STAT4: variants seen among roughly 807,000 people sequenced by gnomAD.
The protein encoded by STAT4 is signal transducer and activator of transcription 4.
Under a neutral mutation model 110.5 loss-of-function variants are expected in STAT4, and 42 were observed. The ratio of observed to expected loss-of-function variants is 0.38; its 90% CI spans 0.30 to 0.49. STAT4 has a LOEUF of 0.49. STAT4 is among the 20% of genes least tolerant of loss of function. STAT4 has a pLI of 0.95. For missense variants in STAT4, 632 were observed against 887.9 expected (o/e 0.71, Z 3.66); for synonymous variants, 284 against 302.2 (o/e 0.94, Z 0.63).
At chr2:191,076,443 T>C (rs1328407224) in intron 3 of STAT4, 118 bp from the exon 4 acceptor site, 1 of 751,620 alleles carries the variant, frequency 1.3e-6, no homozygotes, top group African/African-American at 1.8e-5. Context: ...TGAAATTACT[T>C]GGGATTTGTT....
At chr2:191,103,266 G>A (rs990538305) in intron 3 of STAT4, among the ~76,000 whole-genome samples, 5 of 152,196 alleles carry the variant, frequency 3.3e-5, no homozygotes, top group Middle Eastern at 3.4e-3. Context: ...TAATGTTTTC[G>A]TTAGAGGAAA....
chr2:191,149,883 T>C (rs1188619340), intron 1 of STAT4, among the ~76,000 whole-genome samples: 1 of 152,188 alleles, frequency 6.6e-6, no homozygotes. Context: ...AAATCTATTT[T>C]CTAACTAAAA....
In STAT4 at chr2:191,077,166, T is replaced by C. The variant is rs751180374; in HGVS notation, c.274-841A>G. Among the ~76,000 whole-genome samples, 2 of 152,312 alleles carry C rather than the reference T, an allele frequency of 1.3e-5. No individual in the cohort carries two copies. The highest frequency in any genetic ancestry group is 2.9e-5 in the Non-Finnish European group (2 of 68,018). ...TTATTACCAAGGTTAATGATGCAGA[T>C]ACTGTAAATTGGCAGCCTGTGGGCC... On this transcript the variant is annotated intron_variant, in intron 3 of 23. Transcript: ENST00000392320. This position sits in a 1 kb window ranked among gnomAD's most constrained non-coding sequence, Gnocchi z 4.1.
intron 3 of STAT4, among the ~76,000 whole-genome samples, chr2:191,098,057 A>C (rs964761353): frequency 1.3e-5 from 2 of 152,254 alleles, no homozygotes; most frequent in Non-Finnish European, 2.9e-5. Flanking sequence ...TCAAAACCAC[A>C]ATGAGATACC....
In STAT4 at chr2:191,076,186, G is replaced by A. The variant is rs375989512; in HGVS notation, c.372+41C>T. 7 of 1,525,900 alleles carry A rather than the reference G, an allele frequency of 4.6e-6. No homozygotes were observed. In the African/African-American group the frequency reaches 9.6e-5, roughly 21 times the overall value. The allele number at this position is 1,525,900 out of a possible 1,614,324, so 94.5% of individuals were successfully genotyped here. ...ATAATTTCTGTTTCAGAAAAATTGA[G>A]TTCAAGGTGATAACAAGATCACAAG... On this transcript the variant is annotated intron_variant, in intron 4 of 23. Coordinates refer to ENST00000392320, the MANE Select transcript of STAT4 (RefSeq NM_003151.4).
intron 4 of STAT4, among the ~76,000 whole-genome samples, chr2:191,073,487 G>A (rs1697223952): frequency 6.6e-6 from 1 of 152,184 alleles, no homozygotes; most frequent in African/African-American, 2.4e-5. Context: ...AAGAGTTTGA[G>A]ACCAGCCTGG....
chr2:191,076,765 G>T (rs890785981), intron 3 of STAT4, among the ~76,000 whole-genome samples: 1 of 151,668 alleles, frequency 6.6e-6, no homozygotes, highest in East Asian at 1.9e-4. Flanking sequence ...CCTGCCTCAG[G>T]CTCCCAAGTA....
At position 191,143,473 on chromosome 2, in the gene STAT4, C is replaced by T. The variant is rs565322570; in HGVS notation, c.273+3140G>A. 6.6e-5 allele frequency among the ~76,000 whole-genome samples: 10 copies of T among 152,252 alleles called. No individual in the cohort carries two copies. Among genetic ancestry groups the T allele is most frequent in the East Asian group, 1.9e-4 (1 of 5,186 alleles). The stretch of plus-strand genomic sequence containing the variant: ...CTTAAATAGGCCAAGGGCTGCTGAA[C>T]GATGGTGTTTATTGCTTCCACCTTG... On this transcript the variant is annotated intron_variant, in intron 3 of 23. Transcript: ENST00000392320. This position sits in a 1 kb window ranked among gnomAD's most constrained non-coding sequence, Gnocchi z 5.6.
chr2:191,118,073 T>C (rs1698618561), intron 3 of STAT4, among the ~76,000 whole-genome samples: 1 of 152,214 alleles, frequency 6.6e-6, no homozygotes, highest in East Asian at 1.9e-4. Flanking sequence ...AAACACTTTA[T>C]ACCACTCAGG....
At chr2:191,123,807 C>T (rs570036171) in intron 3 of STAT4, among the ~76,000 whole-genome samples, 9 of 152,286 alleles carry the variant, frequency 5.9e-5, no homozygotes, top group Non-Finnish European at 8.8e-5. Context: ...TGACCAGCAT[C>T]GTGAGAGTAT....
chr2:191,081,911 T>A (rs995967738), intron 3 of STAT4, among the ~76,000 whole-genome samples: 2 of 152,138 alleles, frequency 1.3e-5, no homozygotes, highest in African/African-American at 4.8e-5. Context: ...CATATTATCA[T>A]TTTTCCTCAC....
chr2:191,084,491 A>C (rs1296963178), intron 3 of STAT4, among the ~76,000 whole-genome samples: 1 of 152,134 alleles, frequency 6.6e-6, no homozygotes, highest in Non-Finnish European at 1.5e-5. Context: ...AAAACTACTA[A>C]ATACAAAGTA....
In STAT4 at chr2:191,148,152, C is replaced by T; in HGVS notation, c.52G>A (p.Val18Met). ...QQLEIKFLEQ[V>M]DQFYDDNFPM... ...AAGTTGTCATCATAGAATTGATCCA[C>T]CTGCTCCAAAAACTTGATTTCTAAC... Residue 18 changes from valine to methionine, a missense_variant, in exon 2 of 24, where the codon GTG (valine) becomes ATG (methionine). Val to Met is a conservative substitution (Grantham distance 21). This residue lies in a region of STAT4 where 488 missense variants were observed against 632.8 expected (regional missense o/e 0.77). Coordinates refer to ENST00000392320, the MANE Select transcript of STAT4 (RefSeq NM_003151.4). 2 of 1,613,912 alleles carry T rather than the reference C, an allele frequency of 1.2e-6. No homozygotes were observed. The highest frequency in any genetic ancestry group is 1.7e-6 in the Non-Finnish European group (2 of 1,179,850).
At chr2:191,057,043 A>C (rs1696716214) in intron 13 of STAT4, among the ~76,000 whole-genome samples, 1 of 152,146 alleles carries the variant, frequency 6.6e-6, no homozygotes, top group Non-Finnish European at 1.5e-5. Flanking sequence ...TCAGCCTCCC[A>C]AAGTGCTGGG....
intron 16 of STAT4, among the ~76,000 whole-genome samples, chr2:191,038,547 C>T (rs1221922313): frequency 6.6e-6 from 1 of 152,140 alleles, no homozygotes; most frequent in Non-Finnish European, 1.5e-5. Flanking sequence ...GGACAACACA[C>T]TGAGGTTTTG....
At position 191,037,731 on chromosome 2, in the gene STAT4, C is replaced by T. The variant is rs1441718989; in HGVS notation, c.1435-1432G>A. 6.6e-6 allele frequency among the ~76,000 whole-genome samples: 1 copy of T among 152,050 alleles called. No individual in the cohort carries two copies. Among genetic ancestry groups the T allele is most frequent in the African/African-American group, 2.4e-5 (1 of 41,398 alleles). On this transcript the variant is annotated intron_variant, in intron 16 of 23. Coordinates refer to ENST00000392320, the MANE Select transcript of STAT4 (RefSeq NM_003151.4). This position sits in a 1 kb window ranked among gnomAD's most constrained non-coding sequence, Gnocchi z 4.8. ...GTGGGAATGAAAGAGGACACAGCAT[C>T]CAACAAGGAATGGGCAATAGGAAGA...
intron 3 of STAT4, among the ~76,000 whole-genome samples, chr2:191,126,747 A>G (rs1698892987): frequency 6.6e-6 from 1 of 152,166 alleles, no homozygotes; most frequent in African/African-American, 2.4e-5. Context: ...TTCTGTAAGT[A>G]CCCAGGATGA....
chr2:191,146,670 G>T lies in STAT4; in HGVS notation c.216C>A (p.Ser72=). The T allele has an allele frequency of 6.3e-7, 1 of 1,590,596 alleles. No individual in the cohort carries two copies. Among genetic ancestry groups the T allele is most frequent in the Non-Finnish European group, 8.6e-7 (1 of 1,169,128 alleles). The change falls in exon 3 of 24, where the codon TCC becomes TCA. Residue 72 remains serine, a synonymous_variant. Coordinates refer to ENST00000392320, the MANE Select transcript of STAT4 (RefSeq NM_003151.4). The surrounding 1 kb of genome is among the most constrained non-coding windows in gnomAD (Gnocchi z 4.5). ...GTATCAAGAGTAGGTTTTTCTCTTT[G>T]GAAACACGACCTAACTGTTCATCCA... is the stretch of plus-strand genomic sequence containing the variant. ...IQLDEQLGRV[S]KEKNLLLIHN...
intron 14 of STAT4, among the ~76,000 whole-genome samples, chr2:191,048,479 A>T (rs2125186196): frequency 6.6e-6 from 1 of 152,274 alleles, no homozygotes; most frequent in African/African-American, 2.4e-5. Context: ...CATCATAGAT[A>T]AGATGCACCA....
Sources: allele counts gnomAD v4.1 joint callset (sites outside exome capture counted in the v4.1 genomes callset), GRCh38; gene constraint gnomAD v4.1.1; regional missense constraint gnomAD v4.1.1; non-coding constraint Gnocchi (gnomAD v3.1); transcripts MANE v1.5; gene names NCBI Gene and HGNC (gene_info 2026-07-23, HGNC 2026-07-21).